The following DMRT1 variants were observed in gnomAD, a reference collection of about 807,000 sequenced individuals.
DMRT1 encodes doublesex and mab-3 related transcription factor 1.
In DMRT1, 7 loss-of-function variants were observed where a neutral mutation model predicts 32.3. The ratio of observed to expected loss-of-function variants is 0.22; its 90% CI spans 0.12 to 0.41. The LOEUF (loss-of-function observed/expected upper bound fraction) is 0.41, where lower values mean the gene tolerates loss of function less well. Ranked by LOEUF, DMRT1 falls within the 10% of genes least tolerant of loss-of-function variation. The probability of loss-of-function intolerance (pLI) is 1.00; values close to 1 mark genes in which losing one functional copy is unlikely to be tolerated. For synonymous variants in DMRT1, 278 were observed against 206.1 expected (o/e 1.35, Z -2.99); for missense variants, 625 against 500.5 (o/e 1.25, Z -2.37).
At chr9:940,016 A>C (rs1397271800) in intron 4 of DMRT1, among the ~76,000 whole-genome samples, 3 of 152,176 alleles carry the variant, frequency 2.0e-5, no homozygotes, top group East Asian at 3.8e-4. Flanking sequence ...ATCAGATTCC[A>C]CTTTACACCC....
At chr9:913,020 C>T (rs1436165509) in intron 3 of DMRT1, among the ~76,000 whole-genome samples, 1 of 152,024 alleles carries the variant, frequency 6.6e-6, no homozygotes, top group African/African-American at 2.4e-5. Context: ...GTATGGCTTG[C>T]CTAAAATATA....
Position 955,799 on chromosome 9 carries a change from C to A in DMRT1, c.968-12186C>A, listed in dbSNP as rs112362264. Among the ~76,000 whole-genome samples the A allele has an allele frequency of 7.5e-3, 1,147 of 152,248 alleles. 16 individuals are homozygous for A. Among genetic ancestry groups the A allele is most frequent in the African/African-American group, 0.026 (1,081 of 41,542 alleles). ...ATCAGTGAACGGAAAATAAGCGTTGCTGAGATGTGGGTAAGTTGGAACTCT... is the reference window on the plus strand; with the variant it reads ...ATCAGTGAACGGAAAATAAGCGTTGATGAGATGTGGGTAAGTTGGAACTCT... On this transcript the variant is annotated intron_variant, in intron 4 of 4. Coordinates refer to ENST00000382276, the MANE Select transcript of DMRT1 (RefSeq NM_021951.3).
At chr9:896,924 T>A (rs544360178) in intron 3 of DMRT1, among the ~76,000 whole-genome samples, 1 of 152,090 alleles carries the variant, frequency 6.6e-6, no homozygotes. Context: ...GGTATTAAAA[T>A]GTTGTTAAAA....
intron 3 of DMRT1, among the ~76,000 whole-genome samples, chr9:901,628 C>T (rs929910631): frequency 6.6e-6 from 1 of 151,126 alleles, no homozygotes; most frequent in South Asian, 2.1e-4. Flanking sequence ...CGCCCGGCTG[C>T]CTGACCAATT....
In DMRT1 at chr9:887,251, G is replaced by C. The variant is rs181407233; in HGVS notation, c.539-6661G>C. 4.0e-3 allele frequency among the ~76,000 whole-genome samples: 611 copies of C among 152,306 alleles called. 2 individuals are homozygous for C. Among genetic ancestry groups the C allele is most frequent in the Admixed American group, 9.0e-3 (138 of 15,294 alleles). On this transcript the variant is annotated intron_variant, in intron 2 of 4. Transcript: ENST00000382276. ...TTTGGAGGGAATTCATAGAAAAGGAGATCTGCCAGTGATTTTCATGAAGTT... is the reference window on the plus strand; with the variant it reads ...TTTGGAGGGAATTCATAGAAAAGGACATCTGCCAGTGATTTTCATGAAGTT...
intron 4 of DMRT1, among the ~76,000 whole-genome samples, chr9:954,695 G>A (rs1291274488): frequency 2.0e-5 from 3 of 152,072 alleles, no homozygotes; most frequent in South Asian, 2.1e-4. Flanking sequence ...AAGCTGGAGT[G>A]CAGTAGTACG....
At chr9:960,749 C>T (rs901498668) in intron 4 of DMRT1, among the ~76,000 whole-genome samples, 2 of 152,182 alleles carry the variant, frequency 1.3e-5, no homozygotes, top group African/African-American at 4.8e-5. Flanking sequence ...CTCCCTCAGC[C>T]CTCCTGCCTA....
intron 2 of DMRT1, among the ~76,000 whole-genome samples, chr9:870,403 A>AAACAACAAC (rs141869596): frequency 1.3e-5 from 2 of 151,160 alleles, no homozygotes; most frequent in African/African-American, 4.9e-5. Context: ...CTGTCTCAAA[A>AAACAACAAC]AACAACAACA....
At chr9:905,473 CCTGTGTGTGTGTGTCTGTGT>C (rs1817737557) in intron 3 of DMRT1, among the ~76,000 whole-genome samples, 2 of 143,494 alleles carry the variant, frequency 1.4e-5, no homozygotes, top group Admixed American at 1.4e-4. Flanking sequence ...CTCCCTTGCC[CCTGTGTGTGTGTGTCTGTGT>C]GTGTGTGTGT....
chr9:943,132 A>T (rs561327167), intron 4 of DMRT1, among the ~76,000 whole-genome samples: 1 of 152,350 alleles, frequency 6.6e-6, no homozygotes, highest in Admixed American at 6.5e-5. Context: ...AGTAAGAGTG[A>T]AGGATCAGGA....
At chr9:920,901 TAGAG>T (rs2129798045) in intron 4 of DMRT1, among the ~76,000 whole-genome samples, 1 of 152,180 alleles carries the variant, frequency 6.6e-6, no homozygotes, top group East Asian at 1.9e-4. Context: ...AGATAAGAAA[TAGAG>T]AGGAAACAAA....
intron 3 of DMRT1, among the ~76,000 whole-genome samples, chr9:910,602 C>T (rs1400549446): frequency 2.0e-5 from 3 of 151,374 alleles, no homozygotes; most frequent in Non-Finnish European, 4.4e-5. Flanking sequence ...AATAGGGTGG[C>T]TAACACGTAT....
At chr9:850,469 G>A (rs1355050529) in intron 2 of DMRT1, among the ~76,000 whole-genome samples, 1 of 152,156 alleles carries the variant, frequency 6.6e-6, no homozygotes, top group Non-Finnish European at 1.5e-5. Flanking sequence ...ATTTCATGGA[G>A]GTGAATGGTA....
At chr9:955,525 C>T (rs1055769108) in intron 4 of DMRT1, among the ~76,000 whole-genome samples, 5 of 152,054 alleles carry the variant, frequency 3.3e-5, no homozygotes, top group African/African-American at 9.7e-5. Context: ...AGCAACATGG[C>T]GAAACCCTGC....
intron 2 of DMRT1, among the ~76,000 whole-genome samples, chr9:862,018 C>G (rs1053257051): frequency 3.3e-5 from 5 of 149,844 alleles, no homozygotes; most frequent in Admixed American, 3.3e-4. Context: ...ACTTCCCAGA[C>G]TGGGCGGCCG....
chr9:910,031 G>T (rs1407326115), intron 3 of DMRT1, among the ~76,000 whole-genome samples: 1 of 152,120 alleles, frequency 6.6e-6, no homozygotes. Flanking sequence ...TACACTATTT[G>T]TTTAAATATC....
intron 4 of DMRT1, among the ~76,000 whole-genome samples, chr9:921,385 G>A (rs73378501): frequency 0.16 from 24,502 of 152,072 alleles, 2,438 homozygotes; most frequent in African/African-American, 0.26. Flanking sequence ...TTGTTTAGCC[G>A]TTCATCAGTT....
chr9:862,317 C>T (rs936931137), intron 2 of DMRT1, among the ~76,000 whole-genome samples: 3 of 152,158 alleles, frequency 2.0e-5, no homozygotes, highest in East Asian at 1.9e-4. Context: ...CCCGCCAACA[C>T]GGCGAAACCC....
chr9:964,197 G>T (rs4141754), intron 4 of DMRT1, among the ~76,000 whole-genome samples: 20,884 of 148,690 alleles, frequency 0.14, 2,249 homozygotes, highest in East Asian at 0.31. Flanking sequence ...GAGTTTTGTG[G>T]TTTTTTTTTT....
Sources: gnomAD v4.1 joint callset for allele counts (sites outside exome capture counted in the v4.1 genomes callset) on GRCh38, gnomAD v4.1.1 for gene constraint, MANE v1.5 for transcripts, NCBI Gene and HGNC (gene_info 2026-07-23, HGNC 2026-07-21) for gene names.